Variants in MEGF10 observed in about 807,000 individuals in gnomAD.
The protein encoded by MEGF10 is multiple EGF like domains 10.
In MEGF10, 86 loss-of-function variants were observed where a neutral mutation model predicts 147.5. The ratio of observed to expected loss-of-function variants is 0.58; its 90% CI spans 0.49 to 0.70. MEGF10 has a LOEUF of 0.70. MEGF10 is among the 30% of genes least tolerant of loss of function. MEGF10 has a pLI of 0.00. For missense variants in MEGF10, 1,329 were observed against 1,487.3 expected, an observed-to-expected ratio of 0.89 and a Z score of 1.75; for synonymous variants, 478 against 525.5, an observed-to-expected ratio of 0.91 and a Z score of 1.24.
the MEGF10 span, among the ~76,000 whole-genome samples, chr5:127,230,683 G>T: frequency 1.1e-3 from 167 of 152,274 alleles, no homozygotes; most frequent in African/African-American, 3.7e-3. Context: ...AGTGAGGCAG[G>T]CCTGTTTTGT....
chr5:127,291,362 A>T (rs968765653), intron 1 of MEGF10, among the ~76,000 whole-genome samples: 1 of 151,896 alleles, frequency 6.6e-6, no homozygotes, highest in African/African-American at 2.4e-5. Context: ...TGTTTGTTTC[A>T]TTTTGCCGGG....
chr5:127,300,621 C>T (rs1355792786), intron 1 of MEGF10, among the ~76,000 whole-genome samples: 1 of 152,048 alleles, frequency 6.6e-6, no homozygotes, highest in Non-Finnish European at 1.5e-5. Flanking sequence ...GCATTTTACA[C>T]TTCAATAAAA....
intron 5 of MEGF10, among the ~76,000 whole-genome samples, chr5:127,377,817 A>G (rs1295417962): frequency 6.6e-6 from 1 of 152,212 alleles, no homozygotes; most frequent in Non-Finnish European, 1.5e-5. Context: ...TCCTCGCTGC[A>G]GTCATTAACA....
intron 1 of MEGF10, among the ~76,000 whole-genome samples, chr5:127,308,538 A>T (rs1760116190): frequency 6.6e-6 from 1 of 152,206 alleles, no homozygotes; most frequent in Non-Finnish European, 1.5e-5. Context: ...CAGCCATAAA[A>T]AATGATGAGT....
At chr5:127,378,509 G>T (rs1763120791) in intron 5 of MEGF10, among the ~76,000 whole-genome samples, 1 of 152,196 alleles carries the variant, frequency 6.6e-6, no homozygotes, top group African/African-American at 2.4e-5. Context: ...TTGAAGTGCA[G>T]TGGTGTGACC....
intron 2 of MEGF10, among the ~76,000 whole-genome samples, chr5:127,337,799 G>C (rs1048556704): frequency 7.9e-5 from 12 of 152,124 alleles, no homozygotes; most frequent in Admixed American, 5.9e-4. Context: ...ACCCAGGGAA[G>C]TGAGGTTATC....
chr5:127,247,464 G>GAAGAAGAAGAAGAAGAAGAAGA, the MEGF10 span, among the ~76,000 whole-genome samples: 105 of 139,036 alleles, frequency 7.6e-4, 10 homozygotes, highest in African/African-American at 2.6e-3. Flanking sequence ...AGAAGAAGAA[G>GAAGAAGAAGAAGAAGAAGAAGA]AAGAAGAAGA....
upstream of MEGF10, among the ~76,000 whole-genome samples, chr5:127,286,808 T>A (rs1033535740): frequency 2.6e-5 from 4 of 151,944 alleles, no homozygotes; most frequent in African/African-American, 9.7e-5. Context: ...TTTGAATTGA[T>A]TTTTAAAAAT....
intron 5 of MEGF10, among the ~76,000 whole-genome samples, chr5:127,391,087 T>TGCGCGCGCGC (rs139002719): frequency 3.2e-4 from 42 of 131,860 alleles, no homozygotes; most frequent in Non-Finnish European, 4.3e-4. Context: ...CATACACACA[T>TGCGCGCGCGC]GCGCGCGCGC....
chr5:127,455,365 ACAGCATTAGCTTTCT>A lies in MEGF10; in HGVS notation c.3026-34_3026-20del, dbSNP rs778269838. ...ACCAAGAAATGATGTTGCCAGTGAC[ACAGCATTAGCTTTCT>A]CTTCTCATTTCTCTTCACAGACCTG... On this transcript the variant is annotated intron_variant, in intron 23 of 24. Coordinates refer to ENST00000503335, the MANE Select transcript of MEGF10 (RefSeq NM_001256545.2). 6 of 1,552,042 alleles carry A rather than the reference ACAGCATTAGCTTTCT, an allele frequency of 3.9e-6. No individual in the cohort carries two copies. The East Asian group carries it at 1.3e-4, about 35-fold the overall frequency.
In MEGF10 at chr5:127,321,905, G is replaced by T. The variant is rs929945119; in HGVS notation, c.-18-9386G>T. Among the ~76,000 whole-genome samples, 7 of 152,194 alleles carry T rather than the reference G, an allele frequency of 4.6e-5. No individual in the cohort carries two copies. In the East Asian group the frequency reaches 1.4e-3, roughly 29 times the overall value. ...CTCAAGTACCCTGCTACATGTCAGAGAATTATATTTGCTCCTCCTTCTCCT... is the reference window on the plus strand; with the variant it reads ...CTCAAGTACCCTGCTACATGTCAGATAATTATATTTGCTCCTCCTTCTCCT... On this transcript the variant is annotated intron_variant, in intron 1 of 24. Transcript: ENST00000503335.
At chr5:127,311,502 T>C (rs1428947921) in intron 1 of MEGF10, among the ~76,000 whole-genome samples, 1 of 152,238 alleles carries the variant, frequency 6.6e-6, no homozygotes, top group Non-Finnish European at 1.5e-5. Context: ...AGTATTTGAG[T>C]ATTTTCCTAC....
intron 4 of MEGF10, among the ~76,000 whole-genome samples, chr5:127,351,165 A>G (rs935271559): frequency 6.6e-6 from 1 of 152,168 alleles, no homozygotes; most frequent in Non-Finnish European, 1.5e-5. Context: ...TTTGTTGTAT[A>G]TATTTTTTAA....
At chr5:127,396,354 G>T (rs1402372972) in intron 5 of MEGF10, among the ~76,000 whole-genome samples, 178 bp from the exon 6 acceptor site, 1 of 152,206 alleles carries the variant, frequency 6.6e-6, no homozygotes, top group African/African-American at 2.4e-5. Context: ...AGTGACAGGA[G>T]GTGGCCCAGT....
chr5:127,272,940 C>T, the MEGF10 span, among the ~76,000 whole-genome samples: 1 of 152,200 alleles, frequency 6.6e-6, no homozygotes, highest in Admixed American at 6.5e-5. Flanking sequence ...TGCCTGATTG[C>T]CCTGGCCAGA....
At chr5:127,333,944 A>T (rs1761368796) in intron 2 of MEGF10, among the ~76,000 whole-genome samples, 1 of 152,160 alleles carries the variant, frequency 6.6e-6, no homozygotes, top group South Asian at 2.1e-4. Context: ...AAAATGATGA[A>T]AAAAACTTCC....
At chr5:127,308,752 T>TG (rs1760127869) in intron 1 of MEGF10, among the ~76,000 whole-genome samples, 2 of 151,894 alleles carry the variant, frequency 1.3e-5, no homozygotes, top group Admixed American at 6.6e-5. Context: ...TTAGGAGATA[T>TG]ACCTAATGTT....
chr5:127,422,147 G>A (rs923239701), intron 12 of MEGF10, among the ~76,000 whole-genome samples: 9 of 152,032 alleles, frequency 5.9e-5, no homozygotes, highest in African/African-American at 1.9e-4. Context: ...GCATAAACTA[G>A]GGTTTGAGTG....
intron 19 of MEGF10, chr5:127,444,764 T>G (rs1410322127): frequency 2.0e-5 from 3 of 152,288 alleles, no homozygotes; most frequent in Non-Finnish European, 2.9e-5. Flanking sequence ...GAAAATAACT[T>G]TGCACAGAAC....
Sources: allele counts gnomAD v4.1 joint callset (sites outside exome capture counted in the v4.1 genomes callset), GRCh38; gene constraint gnomAD v4.1.1; transcripts MANE v1.5; gene names NCBI Gene and HGNC (gene_info 2026-07-23, HGNC 2026-07-21).